The following RABGAP1L variants were observed in gnomAD, a reference collection of about 807,000 sequenced individuals.
The protein encoded by RABGAP1L is RAB GTPase activating protein 1 like.
In RABGAP1L, 63 loss-of-function variants were observed where a neutral mutation model predicts 137.7. The observed-to-expected ratio is 0.46, with a 90% CI of 0.37 to 0.56. The LOEUF (loss-of-function observed/expected upper bound fraction) is 0.56. Among genes scored for constraint, RABGAP1L ranks in the 20% least tolerant of loss-of-function variants. The pLI, the probability that RABGAP1L is intolerant of heterozygous loss-of-function variation, is 0.00. For missense variants in RABGAP1L, 1,095 were observed against 1,244.0 expected (o/e 0.88, Z 1.80); for synonymous variants, 431 against 433.7 (o/e 0.99, Z 0.08).
chr1:174,634,764 T>C (rs1343873582), intron 13 of RABGAP1L, among the ~76,000 whole-genome samples: 1 of 144,716 alleles, frequency 6.9e-6, no homozygotes, highest in Non-Finnish European at 1.5e-5. Context: ...ACCATCATTC[T>C]CAGTAAACTA....
At chr1:174,399,264 A>G (rs1648254733) in intron 13 of RABGAP1L, among the ~76,000 whole-genome samples, 1 of 152,140 alleles carries the variant, frequency 6.6e-6, no homozygotes, top group Non-Finnish European at 1.5e-5. Flanking sequence ...AAGTGCCTGT[A>G]GCCAAGAGTG....
intron 14 of RABGAP1L, 97 bp from the exon 15 acceptor site, chr1:174,683,425 C>A: frequency 3.3e-6 from 3 of 921,528 alleles, no homozygotes; most frequent in South Asian, 1.6e-5. Flanking sequence ...GGTTGACAGC[C>A]CAGGGACAGG....
intron 19 of RABGAP1L, among the ~76,000 whole-genome samples, chr1:174,867,589 C>G (rs1573580155): frequency 6.6e-6 from 1 of 152,108 alleles, no homozygotes; most frequent in Admixed American, 6.5e-5. Context: ...GGGAAAAAAC[C>G]TGAGCCTTTG....
chr1:174,240,922 A>G lies in RABGAP1L; in HGVS notation c.543-561A>G, dbSNP rs570826840. ...ATTGTGAGAAGATAATAAAGAATTT[A>G]TGTGTATGTGTGTGTTTGTGTGTGT... On this transcript the variant is annotated intron_variant, in intron 4 of 25. Coordinates refer to ENST00000681986, the MANE Select transcript of RABGAP1L (RefSeq NM_001366446.1). Among the ~76,000 whole-genome samples, 4 of 126,606 alleles carry G rather than the reference A, an allele frequency of 3.2e-5. No individual in the cohort carries two copies. The South Asian group carries it at 1.0e-3, about 33-fold the overall frequency. The allele number at this position is 126,606 out of a possible 152,430, so 83.1% of individuals were successfully genotyped here.
At chr1:174,170,959 A>G (rs1665331372) in intron 1 of RABGAP1L, among the ~76,000 whole-genome samples, 1 of 152,260 alleles carries the variant, frequency 6.6e-6, no homozygotes, top group South Asian at 2.1e-4. Flanking sequence ...CAGTAATGCT[A>G]TAAAATAAGT....
chr1:174,550,177 C>T (rs1666316469), intron 13 of RABGAP1L, among the ~76,000 whole-genome samples: 1 of 152,106 alleles, frequency 6.6e-6, no homozygotes, highest in Non-Finnish European at 1.5e-5. Flanking sequence ...AAATATATAT[C>T]TAGATAATCC....
chr1:174,805,052 A>G (rs906768099), intron 18 of RABGAP1L, among the ~76,000 whole-genome samples: 2 of 152,198 alleles, frequency 1.3e-5, no homozygotes, highest in Admixed American at 6.5e-5. Context: ...CTAAAAATCA[A>G]TTTTTATATG....
At chr1:174,849,876 C>T in intron 19 of RABGAP1L, 1 of 573,336 alleles carries the variant, frequency 1.7e-6, no homozygotes, top group Middle Eastern at 5.8e-4. Context: ...AAAGTGATGG[C>T]CAAAAGGCAA....
intron 13 of RABGAP1L, among the ~76,000 whole-genome samples, chr1:174,426,542 C>A (rs571999629): frequency 1.8e-4 from 28 of 151,962 alleles, no homozygotes; most frequent in African/African-American, 5.3e-4. Context: ...TGATATTATT[C>A]AAAAAGCATA....
chr1:174,400,787 A>G (rs1167929909), intron 13 of RABGAP1L, among the ~76,000 whole-genome samples: 1 of 152,048 alleles, frequency 6.6e-6, no homozygotes, highest in East Asian at 1.9e-4. Context: ...AGATTGAGTC[A>G]CCTTGAATCA....
intron 19 of RABGAP1L, among the ~76,000 whole-genome samples, chr1:174,904,038 C>T (rs1456708109): frequency 1.3e-5 from 2 of 151,878 alleles, no homozygotes; most frequent in African/African-American, 4.8e-5. Context: ...CTCTCCCCTC[C>T]CCCCACAGAA....
intron 11 of RABGAP1L, among the ~76,000 whole-genome samples, chr1:174,352,309 A>G (rs549130405): frequency 1.3e-5 from 2 of 152,122 alleles, no homozygotes; most frequent in African/African-American, 4.8e-5. Flanking sequence ...GCTGTCTTCA[A>G]GGTGACTAAT....
chr1:174,215,414 G>C (rs185419220), intron 1 of RABGAP1L, among the ~76,000 whole-genome samples: 1 of 149,566 alleles, frequency 6.7e-6, no homozygotes, highest in African/African-American at 2.5e-5. Flanking sequence ...CCAATGTTGC[G>C]CCATTATATT....
At chr1:174,981,764 C>T (rs1558304634) in intron 23 of RABGAP1L, among the ~76,000 whole-genome samples, 2 of 151,766 alleles carry the variant, frequency 1.3e-5, no homozygotes, top group African/African-American at 4.8e-5. Context: ...AGATTTTTTC[C>T]TTTGAAAGCA....
At chr1:174,189,985 G>A (rs1050071112) in intron 1 of RABGAP1L, among the ~76,000 whole-genome samples, 20 of 152,076 alleles carry the variant, frequency 1.3e-4, no homozygotes, top group African/African-American at 4.8e-4. Context: ...GTTCTGCTCA[G>A]TACTCTGCAG....
chr1:174,781,646 T>C (rs1318455479), intron 18 of RABGAP1L, among the ~76,000 whole-genome samples: 5 of 152,316 alleles, frequency 3.3e-5, no homozygotes, highest in African/African-American at 1.2e-4. Flanking sequence ...TTGCCCATGC[T>C]TATGTCCTGA....
intron 11 of RABGAP1L, among the ~76,000 whole-genome samples, chr1:174,312,583 T>C (rs966138100): frequency 2.6e-5 from 4 of 152,220 alleles, no homozygotes; most frequent in Admixed American, 2.6e-4. Context: ...CATCCTTTGC[T>C]GTGCAGAAGC....
chr1:174,586,248 A>G (rs1669104354), intron 13 of RABGAP1L, among the ~76,000 whole-genome samples: 1 of 152,122 alleles, frequency 6.6e-6, no homozygotes, highest in South Asian at 2.1e-4. Context: ...GCTGGAAGCC[A>G]TTATCCTCAG....
intron 17 of RABGAP1L, among the ~76,000 whole-genome samples, chr1:174,719,721 A>G (rs1199882819): frequency 6.6e-6 from 1 of 152,230 alleles, no homozygotes; most frequent in South Asian, 2.1e-4. Flanking sequence ...TTCAATTTTT[A>G]TAAAAAGCTG....
Sources: gnomAD v4.1 joint callset for allele counts (sites outside exome capture counted in the v4.1 genomes callset) on GRCh38, gnomAD v4.1.1 for gene constraint, MANE v1.5 for transcripts, NCBI Gene and HGNC (gene_info 2026-07-23, HGNC 2026-07-21) for gene names.